The following MEF2A variants were observed in gnomAD, a reference collection of about 807,000 sequenced individuals.
The protein encoded by MEF2A is myocyte enhancer factor 2A, also known as myocyte-specific enhancer factor 2A.
A neutral mutation model predicts 55.8 loss-of-function variants in MEF2A; 28 were observed. The ratio of observed to expected loss-of-function variants is 0.50; its 90% CI spans 0.37 to 0.69. The LOEUF is 0.69. MEF2A is among the 30% of genes least tolerant of loss of function. MEF2A has a pLI of 0.00. For synonymous variants in MEF2A, 239 were observed against 227.1 expected (o/e 1.05, Z -0.47); for missense variants, 528 against 626.2 (o/e 0.84, Z 1.67).
chr15:99,710,983 A>G (rs925532734), intron 11 of MEF2A, among the ~76,000 whole-genome samples: 1 of 152,176 alleles, frequency 6.6e-6, no homozygotes, highest in Non-Finnish European at 1.5e-5. Flanking sequence ...TTGGGGAGCA[A>G]GGCTTCTCCC....
intron 3 of MEF2A, among the ~76,000 whole-genome samples, chr15:99,640,309 C>G (rs1002832556): frequency 6.6e-5 from 10 of 152,072 alleles, no homozygotes; most frequent in Non-Finnish European, 1.5e-4. Flanking sequence ...TTTAATAATA[C>G]TGTTTTATAC....
At chr15:99,687,074 A>G (rs981281732) in intron 7 of MEF2A, among the ~76,000 whole-genome samples, 12 of 101,848 alleles carry the variant, frequency 1.2e-4, no homozygotes, top group African/African-American at 4.1e-4. Flanking sequence ...ACCATGTCCT[A>G]TTAATTTTTC....
intron 8 of MEF2A, among the ~76,000 whole-genome samples, chr15:99,699,962 G>GTGTT (rs2057135122): frequency 1.1e-5 from 1 of 88,266 alleles, no homozygotes; most frequent in African/African-American, 3.4e-5. Flanking sequence ...ATGTGTGTGT[G>GTGTT]TGTGTGTGTG....
At chr15:99,675,507 G>T in intron 7 of MEF2A, 49 bp downstream of exon 7, 1 of 1,461,918 alleles carries the variant, frequency 6.8e-7, no homozygotes, top group Non-Finnish European at 9.5e-7. Context: ...TCCTATATGA[G>T]ATCAAAGGAA....
intron 2 of MEF2A, among the ~76,000 whole-genome samples, chr15:99,603,700 C>T (rs1974125985): frequency 6.6e-6 from 1 of 151,916 alleles, no homozygotes; most frequent in Non-Finnish European, 1.5e-5. Flanking sequence ...CATGCCCAGC[C>T]AGTGTTAGTA....
chr15:99,696,289 C>T (rs1181920861), intron 8 of MEF2A, among the ~76,000 whole-genome samples: 1 of 152,142 alleles, frequency 6.6e-6, no homozygotes, highest in Non-Finnish European at 1.5e-5. Context: ...ACACATCACT[C>T]GACAACAGCA....
At chr15:99,699,341 T>C (rs8034889) in intron 8 of MEF2A, among the ~76,000 whole-genome samples, 109,949 of 152,096 alleles carry the variant, frequency 0.72, 39,794 homozygotes, top group Admixed American at 0.77. Flanking sequence ...ATGATTCCAT[T>C]TATATTTCAT....
At chr15:99,682,903 AAAT>A (rs1243307130) in intron 7 of MEF2A, among the ~76,000 whole-genome samples, 2 of 152,250 alleles carry the variant, frequency 1.3e-5, no homozygotes, top group African/African-American at 2.4e-5. Flanking sequence ...AGAATCTTCT[AAAT>A]AATATCAGAA....
Position 99,716,162 on chromosome 15 carries a change from C to T in MEF2A, c.*3391C>T, listed in dbSNP as rs971148594. On this transcript the variant is annotated 3_prime_UTR_variant, in exon 12 of 12. Coordinates refer to ENST00000557942, the MANE Select transcript of MEF2A (RefSeq NM_001319206.4). ...CACTTTGCTGTGCAAGAAGACACTG[C>T]TTTGCTATATTTAAAATGGCTTTTT... The T allele has an allele frequency of 1.1e-5, 2 of 176,442 alleles. No individual in the cohort carries two copies. Among genetic ancestry groups the T allele is most frequent in the African/African-American group, 4.7e-5 (2 of 42,152 alleles). The allele number at this position is 176,442 out of a possible 1,614,324, so 10.9% of individuals were successfully genotyped here.
intron 7 of MEF2A, among the ~76,000 whole-genome samples, chr15:99,681,572 A>G (rs964485143): frequency 6.6e-6 from 1 of 152,180 alleles, no homozygotes; most frequent in Non-Finnish European, 1.5e-5. Flanking sequence ...AGAGAAGAAG[A>G]TATGTTGCCT....
intron 1 of MEF2A, among the ~76,000 whole-genome samples, chr15:99,586,002 T>C (rs531050844): frequency 1.3e-5 from 2 of 152,296 alleles, no homozygotes; most frequent in South Asian, 4.1e-4. Flanking sequence ...TCGTGATTCA[T>C]CTGTGTTTGT....
At chr15:99,643,566 C>T (rs1487873101) in intron 3 of MEF2A, among the ~76,000 whole-genome samples, 3 of 150,364 alleles carry the variant, frequency 2.0e-5, no homozygotes, top group African/African-American at 7.3e-5. Flanking sequence ...GGTTTTTCTA[C>T]TTGTAATTTC....
At chr15:99,698,406 A>G (rs1040407415) in intron 8 of MEF2A, among the ~76,000 whole-genome samples, 2 of 152,270 alleles carry the variant, frequency 1.3e-5, no homozygotes, top group Non-Finnish European at 2.9e-5. Context: ...AAATAAGTGT[A>G]TGAAAATATG....
At chr15:99,710,406 A>G (rs1206808476) in intron 10 of MEF2A, among the ~76,000 whole-genome samples, 1 of 151,934 alleles carries the variant, frequency 6.6e-6, no homozygotes, top group Admixed American at 6.6e-5. Context: ...CCACGCCTGG[A>G]TAATTTTTGT....
At chr15:99,598,680 G>A (rs1004408078) in intron 2 of MEF2A, among the ~76,000 whole-genome samples, 169 bp downstream of exon 2, 10 of 152,114 alleles carry the variant, frequency 6.6e-5, no homozygotes, top group African/African-American at 1.4e-4. Flanking sequence ...GTTGAAATGC[G>A]TAATATTGTG....
Position 99,690,414 on chromosome 15 carries a change from A to G in MEF2A, c.844A>G (p.Met282Val). Residue 282 changes from methionine (M) to valine (V), a missense_variant, in exon 8 of 12, where the codon ATG becomes GTG. Met to Val is a conservative substitution (Grantham distance 21). Around this residue, in one of 2 missense-constraint regions of MEF2A, gnomAD observed 450 missense variants for 475.3 expected, o/e 0.95. Transcript: ENST00000557942. ...RVVIPPSSKGMMPPLSEEEEL... is the reference protein window; with the variant it reads ...RVVIPPSSKGVMPPLSEEEEL... ...TGTCATCCCCCCTTCAAGCAAGGGCATGATGCCTCCACTAGTAAGTTGAAC... is the reference window on the plus strand; with the variant it reads ...TGTCATCCCCCCTTCAAGCAAGGGCGTGATGCCTCCACTAGTAAGTTGAAC... 2.5e-6 allele frequency: 4 copies of G among 1,599,574 alleles called. No individual in the cohort carries two copies. Among genetic ancestry groups the G allele is most frequent in the Non-Finnish European group, 3.4e-6 (4 of 1,171,386 alleles).
intron 1 of MEF2A, among the ~76,000 whole-genome samples, chr15:99,594,823 T>C (rs12915690): frequency 0.022 from 3,336 of 152,318 alleles, 119 homozygotes; most frequent in East Asian, 0.17. Flanking sequence ...CTAAATATAT[T>C]TTAAAGGGTG....
intron 3 of MEF2A, among the ~76,000 whole-genome samples, chr15:99,640,630 C>A (rs907489872): frequency 6.7e-6 from 1 of 149,874 alleles, no homozygotes; most frequent in Non-Finnish European, 1.5e-5. Context: ...GATCATGGCT[C>A]ACTGCAGCCT....
chr15:99,567,899 G>A (rs945154321), intron 1 of MEF2A, among the ~76,000 whole-genome samples: 1 of 152,114 alleles, frequency 6.6e-6, no homozygotes, highest in East Asian at 1.9e-4. Context: ...AAAAAGTTGT[G>A]ATAATGGTGT....
Sources: gnomAD v4.1 joint callset for allele counts (sites outside exome capture counted in the v4.1 genomes callset) on GRCh38, gnomAD v4.1.1 for gene constraint, gnomAD v4.1.1 regional missense constraint, MANE v1.5 for transcripts, NCBI Gene and HGNC (gene_info 2026-07-23, HGNC 2026-07-21) for gene names.